Variants in ITPR3 observed in about 807,000 individuals in gnomAD.
ITPR3 encodes the protein inositol 1,4,5-trisphosphate-gated calcium channel ITPR3.
Under a neutral mutation model 293.2 loss-of-function variants are expected in ITPR3, and 173 were observed. The observed-to-expected ratio is 0.59, with a 90% CI of 0.52 to 0.67. The LOEUF is 0.67. ITPR3 is among the 30% of genes least tolerant of loss of function. The pLI is 0.00. For missense variants in ITPR3, 2,796 were observed against 3,592.1 expected, an observed-to-expected ratio of 0.78 and a Z score of 5.66; for synonymous variants, 1,295 against 1,444.4, an observed-to-expected ratio of 0.90 and a Z score of 2.35.
At position 33,670,374 on chromosome 6, in the gene ITPR3, G is replaced by A; in HGVS notation, c.2239G>A (p.Ala747Thr). Reference protein sequence around the residue: ...ARMCLDRQYLAIDEISQQLGV... With the variant: ...ARMCLDRQYLTIDEISQQLGV... ...CATGTGCTTGGACCGCCAGTACTTG[G>A]CCATCGACGAGATCTCCCAGCAGCT... The change falls in exon 19 of 58, where the codon GCC becomes ACC. Residue 747 changes from alanine (A) to threonine (T), a missense_variant. Ala to Thr is a moderately conservative substitution (Grantham distance 58, BLOSUM62 0). Coordinates refer to ENST00000605930, the MANE Select transcript of ITPR3 (RefSeq NM_002224.4). The surrounding 1 kb of genome is among the most constrained non-coding windows in gnomAD (Gnocchi z 6.7). 1 of 1,614,060 alleles carries A rather than the reference G, an allele frequency of 6.2e-7. No individual in the cohort carries two copies. The highest frequency in any genetic ancestry group is 8.5e-7 in the Non-Finnish European group (1 of 1,180,036).
At chr6:33,656,765 C>T (rs1459390120) in intron 3 of ITPR3, among the ~76,000 whole-genome samples, 1 of 152,192 alleles carries the variant, frequency 6.6e-6, no homozygotes, top group Non-Finnish European at 1.5e-5. Flanking sequence ...GGCCCTGGGC[C>T]CTGTTGCCCC....
intron 49 of ITPR3, 89 bp downstream of exon 49, chr6:33,688,870 CT>C: frequency 6.4e-7 from 1 of 1,555,628 alleles, no homozygotes; most frequent in Non-Finnish European, 8.8e-7. Context: ...CAGCTGGCCT[CT>C]GAGGGCACCA....
rs1763746412 is a variant in ITPR3, at chr6:33,633,808, C to G, written c.90-6676C>G. On this transcript the variant is annotated intron_variant, in intron 1 of 57. Coordinates refer to ENST00000605930, the MANE Select transcript of ITPR3 (RefSeq NM_002224.4). The surrounding 1 kb of genome is among the most constrained non-coding windows in gnomAD (Gnocchi z 5.2). ...CCCGGAGCTCGCGGGCCGGGCCAGG[C>G]TGGGGGCGGGGCGGGCGCGGGGCGG... 1.2e-5 allele frequency among the ~76,000 whole-genome samples: 1 copy of G among 83,684 alleles called. No individual in the cohort carries two copies. Among genetic ancestry groups the G allele is most frequent in the Non-Finnish European group, 2.5e-5 (1 of 39,488 alleles). The allele number at this position is 83,684 out of a possible 152,430, so 54.9% of individuals were successfully genotyped here.
intron 41 of ITPR3, 27 bp downstream of exon 41, chr6:33,685,854 C>G: frequency 6.5e-7 from 1 of 1,550,212 alleles, no homozygotes; most frequent in Non-Finnish European, 8.7e-7. Context: ...ACACCTGCCC[C>G]TTCCCCCGCT....
Position 33,655,378 on chromosome 6 carries a change from G to T in ITPR3, c.161-388G>T, listed in dbSNP as rs750736234. On this transcript the variant is annotated intron_variant, in intron 2 of 57. Transcript: ENST00000605930. This position sits in a 1 kb window ranked among gnomAD's most constrained non-coding sequence, Gnocchi z 4.9. ...TTCCCAGGCATCTGTGTGCAAGATGGTTTCCATCAGCCAAGGCAATTAGCT... is the reference window on the plus strand; with the variant it reads ...TTCCCAGGCATCTGTGTGCAAGATGTTTTCCATCAGCCAAGGCAATTAGCT... Among the ~76,000 whole-genome samples the T allele has an allele frequency of 1.3e-5, 2 of 152,172 alleles. No individual in the cohort carries two copies. Among genetic ancestry groups the T allele is most frequent in the Non-Finnish European group, 2.9e-5 (2 of 68,036 alleles).
At position 33,664,986 on chromosome 6, in the gene ITPR3, T is replaced by TG; in HGVS notation, c.1248+22dup. ...CGGCTCATGGTGCGTGTCCCTGGGGTGGGGGTGGGGCTGGGGCCAGGGCCG... is the reference window on the plus strand; with the variant it reads ...CGGCTCATGGTGCGTGTCCCTGGGGTGGGGGGTGGGGCTGGGGCCAGGGCCG... On this transcript the variant is annotated intron_variant, in intron 12 of 57. Coordinates refer to ENST00000605930, the MANE Select transcript of ITPR3 (RefSeq NM_002224.4). This position sits in a 1 kb window ranked among gnomAD's most constrained non-coding sequence, Gnocchi z 4.4. 1.7e-6 allele frequency: 1 copy of TG among 601,908 alleles called. No individual in the cohort carries two copies. 37.3% of individuals were successfully genotyped at this position (601,908 alleles called of 1,614,324 possible).
At chr6:33,647,046 A>G (rs77903422) in intron 2 of ITPR3, among the ~76,000 whole-genome samples, 1,823 of 152,292 alleles carry the variant, frequency 0.012, 25 homozygotes, top group African/African-American at 0.031. Context: ...TTATTTATTA[A>G]GACAGGGTCT....
Position 33,654,453 on chromosome 6 carries a change from C to T in ITPR3, c.161-1313C>T, listed in dbSNP as rs984619007. On this transcript the variant is annotated intron_variant, in intron 2 of 57. Coordinates refer to ENST00000605930, the MANE Select transcript of ITPR3 (RefSeq NM_002224.4). This position sits in a 1 kb window ranked among gnomAD's most constrained non-coding sequence, Gnocchi z 4.1. ...TTTTCTTTCTAGGAAGTTCTGTCTT[C>T]CTTGATCTTTGGTTCACTCTGTTTC... 3.9e-5 allele frequency among the ~76,000 whole-genome samples: 6 copies of T among 152,066 alleles called. No homozygotes were observed. Among genetic ancestry groups the T allele is most frequent in the Non-Finnish European group, 7.3e-5 (5 of 68,030 alleles).
chr6:33,628,910 G>C (rs942458352), intron 1 of ITPR3, among the ~76,000 whole-genome samples: 1 of 152,198 alleles, frequency 6.6e-6, no homozygotes, highest in Non-Finnish European at 1.5e-5. Context: ...CAGTGCAGGA[G>C]AGCCCTCTTC....
intron 1 of ITPR3, among the ~76,000 whole-genome samples, chr6:33,623,054 G>A (rs566290202): frequency 6.6e-6 from 1 of 152,276 alleles, no homozygotes; most frequent in African/African-American, 2.4e-5. Context: ...ATCTGGGCCA[G>A]CATTTGTGCA....
chr6:33,677,853 G>A (rs565586234), intron 28 of ITPR3, among the ~76,000 whole-genome samples: 1 of 152,076 alleles, frequency 6.6e-6, no homozygotes, highest in South Asian at 2.1e-4. Context: ...ACCTTGATTT[G>A]ACCCCAGCCT....
Position 33,685,459 on chromosome 6 carries a change from C to T in ITPR3, c.5408C>T (p.Thr1803Met), listed in dbSNP as rs1206533131. ...MKRAQQETKS[T>M]VAVNMNDLGS... ...CGGGCCCAGCAGGAGACCAAGTCCA[C>T]GGTGGCAGTCAACATGAATGACCTG... The change falls in exon 40 of 58, where the codon ACG becomes ATG. Residue 1803 changes from threonine (T) to methionine (M), a missense_variant. By Grantham distance (81) the Thr-to-Met change is moderately conservative. This residue lies in a region of ITPR3 where 704 missense variants were observed against 797.5 expected (regional missense o/e 0.88). Coordinates refer to ENST00000605930, the MANE Select transcript of ITPR3 (RefSeq NM_002224.4). 1.2e-6 allele frequency: 2 copies of T among 1,613,988 alleles called. No homozygotes were observed. The highest frequency in any genetic ancestry group is 1.7e-6 in the Non-Finnish European group (2 of 1,179,972).
Position 33,690,143 on chromosome 6 carries a change from A to G in ITPR3, c.6977A>G (p.Tyr2326Cys). Residue 2326 changes from tyrosine (Y) to cysteine (C), a missense_variant, in exon 51 of 58, where the codon TAC becomes TGC. Physicochemically the swap from Tyr to Cys is radical, Grantham distance 194. Around this residue, in one of 8 missense-constraint regions of ITPR3, gnomAD observed 568 missense variants for 796.1 expected, o/e 0.71. Coordinates refer to ENST00000605930, the MANE Select transcript of ITPR3 (RefSeq NM_002224.4). ...ATGGAATTCCTCTACCACGTGGGCT[A>G]CATCCTGACCAGTGTCCTGGGCCTC... ...MDMEFLYHVG[Y>C]ILTSVLGLFA... 2.5e-6 allele frequency: 4 copies of G among 1,614,086 alleles called. No individual in the cohort carries two copies. Among genetic ancestry groups the G allele is most frequent in the Non-Finnish European group, 3.4e-6 (4 of 1,180,008 alleles).
rs968311638 is a variant in ITPR3, at chr6:33,687,665, A to G, written c.6264+101A>G. The G allele has an allele frequency of 2.1e-6, 2 of 945,134 alleles. No homozygotes were observed. Among genetic ancestry groups the G allele is most frequent in the Non-Finnish European group, 3.3e-6 (2 of 613,258 alleles). 58.5% of individuals were successfully genotyped at this position (945,134 alleles called of 1,614,324 possible). On this transcript the variant is annotated intron_variant, in intron 46 of 57. Coordinates refer to ENST00000605930, the MANE Select transcript of ITPR3 (RefSeq NM_002224.4). This position sits in a 1 kb window ranked among gnomAD's most constrained non-coding sequence, Gnocchi z 5.3. ...CTGGAACAGAGTGAGGCCCTAGAATATGAGCCAGGCTAGAATTTGGGGGTA... is the reference window on the plus strand; with the variant it reads ...CTGGAACAGAGTGAGGCCCTAGAATGTGAGCCAGGCTAGAATTTGGGGGTA...
In ITPR3 at chr6:33,675,628, C is replaced by T; in HGVS notation, c.3117-63C>T. 6.6e-7 allele frequency: 1 copy of T among 1,507,590 alleles called. No homozygotes were observed. Among genetic ancestry groups the T allele is most frequent in the Non-Finnish European group, 8.9e-7 (1 of 1,123,788 alleles). The allele number at this position is 1,507,590 out of a possible 1,614,324, so 93.4% of individuals were successfully genotyped here. A position where few individuals can be genotyped will look rare whatever the true frequency, so the allele number is the denominator to read the frequency against. On this transcript the variant is annotated intron_variant, in intron 24 of 57. Coordinates refer to ENST00000605930, the MANE Select transcript of ITPR3 (RefSeq NM_002224.4). The surrounding 1 kb of genome is among the most constrained non-coding windows in gnomAD (Gnocchi z 5.0). Reference sequence around the variant, plus strand: ...GTGTGCTTGTGCCAGGGCCCCTTACCCACCACGGACAGCAGGGAGTGTGCC... The same window carrying T: ...GTGTGCTTGTGCCAGGGCCCCTTACTCACCACGGACAGCAGGGAGTGTGCC...
intron 2 of ITPR3, among the ~76,000 whole-genome samples, chr6:33,650,171 GC>G (rs1174264903): frequency 1.3e-5 from 2 of 152,324 alleles, no homozygotes; most frequent in African/African-American, 4.8e-5. Context: ...CTGCCCTTCA[GC>G]CCTGTGGTTT....
In ITPR3 at chr6:33,678,626, C is replaced by T. The variant is rs200073260; in HGVS notation, c.3772-13C>T. Reference sequence around the variant, plus strand: ...GGCCCAGATCTCTTTCTGACAGATGCCCCCCACTGCAGCTCCTGGAGGCAG... The same window carrying T: ...GGCCCAGATCTCTTTCTGACAGATGTCCCCCACTGCAGCTCCTGGAGGCAG... On this transcript the variant is annotated splice_polypyrimidine_tract_variant and intron_variant, in intron 29 of 57. Transcript: ENST00000605930. The T allele has an allele frequency of 1.8e-5, 29 of 1,607,730 alleles. No individual in the cohort carries two copies. The highest frequency in any genetic ancestry group is 1.2e-4 in the Admixed American group (7 of 59,678).
intron 1 of ITPR3, among the ~76,000 whole-genome samples, chr6:33,625,510 C>T (rs12523917): frequency 0.089 from 13,467 of 151,988 alleles, 607 homozygotes; most frequent in Non-Finnish European, 0.1. Context: ...ATTACAGCCG[C>T]GAGCCACTGT....
chr6:33,686,535 A>G lies in ITPR3; in HGVS notation c.5979+16A>G, dbSNP rs2127310162. ...GCAGCTCAAGGTGGGGCCCAGTGGCAGGTGTGTGAGTGCTGGGTGTGCATG... is the reference window on the plus strand; with the variant it reads ...GCAGCTCAAGGTGGGGCCCAGTGGCGGGTGTGTGAGTGCTGGGTGTGCATG... On this transcript the variant is annotated intron_variant, in intron 43 of 57. Transcript: ENST00000605930. 1 of 1,583,480 alleles carries G rather than the reference A, an allele frequency of 6.3e-7. No individual in the cohort carries two copies. Among genetic ancestry groups the G allele is most frequent in the East Asian group, 2.2e-5 (1 of 44,758 alleles).
Sources: gnomAD v4.1 joint callset for allele counts (sites outside exome capture counted in the v4.1 genomes callset) on GRCh38, gnomAD v4.1.1 for gene constraint, gnomAD v4.1.1 regional missense constraint, Gnocchi (gnomAD v3.1) non-coding constraint, MANE v1.5 for transcripts, NCBI Gene and HGNC (gene_info 2026-07-23, HGNC 2026-07-21) for gene names.